Variants in KRT79 observed in about 807,000 individuals in gnomAD.
KRT79 encodes the protein keratin 79.
In KRT79, 51 loss-of-function variants were observed where a neutral mutation model predicts 49.0. That is an observed-to-expected ratio of 1.04 (90% CI 0.83 to 1.31). The LOEUF (loss-of-function observed/expected upper bound fraction) is 1.31. Among genes scored for constraint, KRT79 ranks in the 40% most tolerant of loss-of-function variants. The pLI is 0.00. For missense variants in KRT79, 728 were observed against 688.0 expected (o/e 1.06, Z -0.65); for synonymous variants, 312 against 286.6 (o/e 1.09, Z -0.90).
At chr12:52,822,217 C>G in intron 8 of KRT79, 128 bp downstream of exon 8, 1 of 1,287,070 alleles carries the variant, frequency 7.8e-7, no homozygotes, top group Non-Finnish European at 1.1e-6. Flanking sequence ...AACTAGGACC[C>G]TCTGAACCTG....
At position 52,823,009 on chromosome 12, in the gene KRT79, C is replaced by T; in HGVS notation, c.1367+7G>A. On this transcript the variant is annotated splice_region_variant and intron_variant, in intron 7 of 8. Transcript: ENST00000330553. ...AGCTTTCTGGGTCGGGCAGGAGGGG[C>T]CACCACCTGCTCTCCTCGCTCTCCA... 1 of 1,613,104 alleles carries T rather than the reference C, an allele frequency of 6.2e-7. No homozygotes were observed. Among genetic ancestry groups the T allele is most frequent in the African/African-American group, 1.3e-5 (1 of 74,994 alleles).
Position 52,832,897 on chromosome 12 carries a change from A to G in KRT79, c.477+887T>C, listed in dbSNP as rs528727547. ...AATGGGCACAATATCACCATTTCTG[A>G]GTCTTCATAGAAGCACTGTGGGTAC... On this transcript the variant is annotated intron_variant, in intron 1 of 8. Coordinates refer to ENST00000330553, the MANE Select transcript of KRT79 (RefSeq NM_175834.3). Among the ~76,000 whole-genome samples the G allele has an allele frequency of 7.2e-4, 109 of 152,276 alleles. 1 individual carries two copies. The highest frequency in any genetic ancestry group is 2.5e-3 in the African/African-American group (103 of 41,556).
chr12:52,834,208 G>A lies in KRT79; in HGVS notation c.53C>T (p.Ser18Phe). ...QTYSTKGGFS[S>F]NSASGGSGSQ... ...CCCACTCCCTCCGCTGGCAGAGTTG[G>A]AGCTGAAGCCCCCTTTTGTGGAGTA... Residue 18 changes from serine (S) to phenylalanine (F), a missense_variant, in exon 1 of 9, where the codon TCC (serine) becomes TTC (phenylalanine). Coordinates refer to ENST00000330553, the MANE Select transcript of KRT79 (RefSeq NM_175834.3). The A allele has an allele frequency of 6.2e-7, 1 of 1,613,902 alleles. No individual in the cohort carries two copies.
In KRT79 at chr12:52,824,207, G is replaced by A. The variant is rs1940144095; in HGVS notation, c.1011C>T (p.Tyr337=). Residue 337 remains tyrosine, a synonymous_variant, in exon 5 of 9, where the codon TAC becomes TAT. Coordinates refer to ENST00000330553, the MANE Select transcript of KRT79 (RefSeq NM_175834.3). The part of the protein sequence containing the change: ...QRSRAEAEAW[Y]QTKYEELQVT... ...CAGCTATGCCTCTCACCTTGGTCTGGTACCAGGCCTCGGCCTCAGCCCGGC... is the reference window on the plus strand; with the variant it reads ...CAGCTATGCCTCTCACCTTGGTCTGATACCAGGCCTCGGCCTCAGCCCGGC... 1 of 1,614,080 alleles carries A rather than the reference G, an allele frequency of 6.2e-7. No homozygotes were observed. The highest frequency in any genetic ancestry group is 8.5e-7 in the Non-Finnish European group (1 of 1,180,056).
chr12:52,829,890 C>CAA (rs373235927), intron 4 of KRT79, 133 bp downstream of exon 4: 20 of 626,060 alleles, frequency 3.2e-5, no homozygotes, highest in African/African-American at 1.5e-4. Flanking sequence ...AACTCCGTCT[C>CAA]AAAAAAAAAA....
chr12:52,823,138 CA>C lies in KRT79; in HGVS notation c.1244del (p.Leu415ArgfsTer8), dbSNP rs770365806. On this transcript the variant is annotated frameshift_variant, in exon 7 of 9. Transcript: ENST00000330553. LOFTEE classifies it high-confidence loss of function. ...QKKLGDLDVA[L>X]HQAKEDLTRL... ...GTGTCAGGTCCTCCTTGGCCTGGTG[CA>C]GGGCCACATCCAGATCCCCAAGCTT... 1 of 1,614,232 alleles carries C rather than the reference CA, an allele frequency of 6.2e-7. No homozygotes were observed. The highest frequency in any genetic ancestry group is 8.5e-7 in the Non-Finnish European group (1 of 1,180,036).
At chr12:52,829,746 C>T (rs1315026374) in intron 4 of KRT79, among the ~76,000 whole-genome samples, 1 of 152,130 alleles carries the variant, frequency 6.6e-6, no homozygotes, top group Non-Finnish European at 1.5e-5. Flanking sequence ...ACTAAAAATA[C>T]AAAAATTAGC....
chr12:52,823,815 C>A (rs1940135743), intron 6 of KRT79, 72 bp downstream of exon 6: 2 of 1,528,522 alleles, frequency 1.3e-6, no homozygotes, highest in Non-Finnish European at 1.8e-6. Flanking sequence ...GCAGGCCTAG[C>A]CCCTCGGGGT....
chr12:52,822,257 GC>G lies in KRT79; in HGVS notation c.1402+87del, dbSNP rs1218411415. ...CAGGGGCTCGAATGGAGGAGAGCAT[GC>G]TTTAGGACAGGTACAGGTTGCATAA... On this transcript the variant is annotated intron_variant, in intron 8 of 8. Coordinates refer to ENST00000330553, the MANE Select transcript of KRT79 (RefSeq NM_175834.3). The G allele has an allele frequency of 5.9e-5, 84 of 1,422,114 alleles. 1 individual carries two copies. The highest frequency in any genetic ancestry group is 1.6e-5 in the Non-Finnish European group (16 of 1,023,066). The allele number at this position is 1,422,114 out of a possible 1,614,324, so 88.1% of individuals were successfully genotyped here. A position where few individuals can be genotyped will look rare whatever the true frequency, so the allele number is the denominator to read the frequency against.
intron 2 of KRT79, 200 bp from the exon 3 acceptor site, chr12:52,830,492 A>G: frequency 1.7e-6 from 1 of 578,400 alleles, no homozygotes; most frequent in Non-Finnish European, 3.1e-6. Flanking sequence ...ACCCCATTTT[A>G]GGGAAAGAGG....
At chr12:52,827,786 A>C (rs570485619) in intron 4 of KRT79, among the ~76,000 whole-genome samples, 2 of 152,206 alleles carry the variant, frequency 1.3e-5, no homozygotes, top group African/African-American at 4.8e-5. Context: ...CCTCTTTTCC[A>C]TCAAGAACAA....
chr12:52,831,444 G>C lies in KRT79; in HGVS notation c.660C>G (p.Leu220=). The C allele has an allele frequency of 6.2e-7, 1 of 1,614,202 alleles. No individual in the cohort carries two copies. The highest frequency in any genetic ancestry group is 1.1e-5 in the South Asian group (1 of 91,082). Residue 220 remains leucine, a synonymous_variant, in exon 2 of 9, where the codon CTC becomes CTG. Coordinates refer to ENST00000330553, the MANE Select transcript of KRT79 (RefSeq NM_175834.3). The part of the protein sequence containing the change: ...QSERGRLDSE[L]RNVQDLVEDF... The stretch of plus-strand genomic sequence containing the variant: ...CCTCCACAAGGTCCTGCACGTTCCT[G>C]AGCTCTGAGTCCAGCCTCCCCCGCT...
chr12:52,828,457 A>G (rs1940205850), intron 4 of KRT79, among the ~76,000 whole-genome samples: 1 of 152,226 alleles, frequency 6.6e-6, no homozygotes, highest in Non-Finnish European at 1.5e-5. Flanking sequence ...ACCTAGACTG[A>G]AAGTTTATCC....
Position 52,821,601 on chromosome 12 carries a change from C to T in KRT79, c.*271G>A. 2.0e-6 allele frequency: 1 copy of T among 496,096 alleles called. No individual in the cohort carries two copies. The highest frequency in any genetic ancestry group is 3.7e-6 in the Non-Finnish European group (1 of 272,748). 30.7% of individuals were successfully genotyped at this position (496,096 alleles called of 1,614,324 possible). A position where few individuals can be genotyped will look rare whatever the true frequency, so the allele number is the denominator to read the frequency against. Reference sequence around the variant, plus strand: ...CCTAATGGCTTGAGAAATTCAGCCTCCTCTCGGTGGTCAAAAGGTCACCCC... The same window carrying T: ...CCTAATGGCTTGAGAAATTCAGCCTTCTCTCGGTGGTCAAAAGGTCACCCC... On this transcript the variant is annotated 3_prime_UTR_variant, in exon 9 of 9. Coordinates refer to ENST00000330553, the MANE Select transcript of KRT79 (RefSeq NM_175834.3).
rs1303433484 is a variant in KRT79, at chr12:52,833,999, A to T, written c.262T>A (p.Phe88Ile). Residue 88 changes from phenylalanine to isoleucine, a missense_variant, in exon 1 of 9, where the codon TTT becomes ATT. By Grantham distance (21) the Phe-to-Ile change is conservative. Transcript: ENST00000330553. ...GALLGRALGG[F>I]GFGSRAFMGQ... is the part of the protein sequence containing the mutation. Reference sequence around the variant, plus strand: ...ATAAATGCCCTGCTGCCAAAGCCAAAGCCCCCCAGAGCCCGCCCCAACAAG... The same window carrying T: ...ATAAATGCCCTGCTGCCAAAGCCAATGCCCCCCAGAGCCCGCCCCAACAAG... 3.1e-6 allele frequency: 5 copies of T among 1,611,582 alleles called. No homozygotes were observed. The East Asian group carries it at 1.1e-4, about 36-fold the overall frequency.
At chr12:52,823,865 C>T in intron 6 of KRT79, 22 bp downstream of exon 6, 1 of 1,605,754 alleles carries the variant, frequency 6.2e-7, no homozygotes, top group Non-Finnish European at 8.5e-7. Flanking sequence ...GCCAGACCCC[C>T]AAGCCCCCAG....
Position 52,821,908 on chromosome 12 carries a change from C to G in KRT79, c.1572G>C (p.Lys524Asn), listed in dbSNP as rs1161703545. 13 of 1,614,038 alleles carry G rather than the reference C, an allele frequency of 8.1e-6. No homozygotes were observed. Among genetic ancestry groups the G allele is most frequent in the Non-Finnish European group, 1.1e-5 (13 of 1,180,040 alleles). ...PVSAGTSILR[K>N]TTTVKTSSQR... ...GGCTGGACGTCTTGACCGTAGTGGT[C>G]TTCCGCAGGATGGAGGTGCCCGCAG... is the stretch of plus-strand genomic sequence containing the variant. Residue 524 changes from lysine (K) to asparagine (N), a missense_variant, in exon 9 of 9, where the codon AAG becomes AAC. Coordinates refer to ENST00000330553, the MANE Select transcript of KRT79 (RefSeq NM_175834.3).
At chr12:52,832,486 G>A (rs1197583248) in intron 1 of KRT79, among the ~76,000 whole-genome samples, 1 of 151,760 alleles carries the variant, frequency 6.6e-6, no homozygotes, top group Non-Finnish European at 1.5e-5. Context: ...GCCCAGCTGG[G>A]GTTCCAAGAC....
chr12:52,824,075 G>A lies in KRT79; in HGVS notation c.1021-63C>T, dbSNP rs576764348. On this transcript the variant is annotated intron_variant, in intron 5 of 8. Coordinates refer to ENST00000330553, the MANE Select transcript of KRT79 (RefSeq NM_175834.3). ...CCCCAGCCCACCCTCACAGCTGGAGGCCCCATGCAAGTTGAGTATATCTGG... is the reference window on the plus strand; with the variant it reads ...CCCCAGCCCACCCTCACAGCTGGAGACCCCATGCAAGTTGAGTATATCTGG... The A allele has an allele frequency of 5.0e-6, 8 of 1,612,986 alleles. No individual in the cohort carries two copies. In the East Asian group the frequency reaches 8.9e-5, roughly 18 times the overall value.
Sources: gnomAD v4.1 joint callset for allele counts (sites outside exome capture counted in the v4.1 genomes callset) on GRCh38, gnomAD v4.1.1 for gene constraint, MANE v1.5 for transcripts, NCBI Gene and HGNC (gene_info 2026-07-23, HGNC 2026-07-21) for gene names.